Variants in HCN4 observed in about 807,000 individuals in gnomAD.
HCN4 encodes hyperpolarization activated cyclic nucleotide gated potassium channel 4, also known as potassium/sodium hyperpolarization-activated cyclic nucleotide-gated channel 4.
HCN4 carries 29 observed loss-of-function variants against 76.9 expected under a neutral mutation model. That is an observed-to-expected ratio of 0.38 (90% CI 0.28 to 0.51). HCN4 has a LOEUF of 0.51. HCN4 is among the 20% of genes least tolerant of loss of function. The pLI is 0.90. For missense variants in HCN4, 1,416 were observed against 1,715.2 expected, an observed-to-expected ratio of 0.83 and a Z score of 3.08; for synonymous variants, 772 against 762.5, an observed-to-expected ratio of 1.01 and a Z score of -0.21.
chr15:73,360,575 A>AACTAGAACT (rs2043100743), intron 1 of HCN4, among the ~76,000 whole-genome samples: 2 of 152,216 alleles, frequency 1.3e-5, no homozygotes, highest in Non-Finnish European at 2.9e-5. Context: ...TAAAAGAAGG[A>AACTAGAACT]GGAATGTCAA....
chr15:73,342,586 G>A (rs1388886437), intron 2 of HCN4, among the ~76,000 whole-genome samples: 1 of 152,220 alleles, frequency 6.6e-6, no homozygotes, highest in Non-Finnish European at 1.5e-5. Context: ...ATAGGGCTGA[G>A]GCAAACAGCC....
intron 3 of HCN4, among the ~76,000 whole-genome samples, chr15:73,330,411 CAGG>C (rs965367459): frequency 6.6e-6 from 1 of 152,232 alleles, no homozygotes; most frequent in Admixed American, 6.5e-5. Flanking sequence ...GGCGTGGGGA[CAGG>C]AGGAGGGAAG....
Position 73,355,692 on chromosome 15 carries a change from G to A in HCN4, c.785+11794C>T, listed in dbSNP as rs542028362. On this transcript the variant is annotated intron_variant, in intron 1 of 7. Coordinates refer to ENST00000261917, the MANE Select transcript of HCN4 (RefSeq NM_005477.3). ...GATGAAAACCCATTGTTTATCTGATGGGCTAATTCCTCCTCTGCAGACCCT... is the reference window on the plus strand; with the variant it reads ...GATGAAAACCCATTGTTTATCTGATAGGCTAATTCCTCCTCTGCAGACCCT... Among the ~76,000 whole-genome samples, 3 of 152,274 alleles carry A rather than the reference G, an allele frequency of 2.0e-5. No homozygotes were observed. The East Asian group carries it at 5.8e-4, about 29-fold the overall frequency.
Position 73,322,266 on chromosome 15 carries a change from T to C in HCN4, c.*215A>G. 2 of 360,160 alleles carry C rather than the reference T, an allele frequency of 5.6e-6. No individual in the cohort carries two copies. The highest frequency in any genetic ancestry group is 1.1e-5 in the Non-Finnish European group (2 of 185,260). The allele number at this position is 360,160 out of a possible 1,614,324, so 22.3% of individuals were successfully genotyped here. ...CCTCCTCCCTCCCCCTCCCTCCCTC[T>C]AGTGCTGAGTATTAAAATAGTCTAT... On this transcript the variant is annotated 3_prime_UTR_variant, in exon 8 of 8. Transcript: ENST00000261917.
At chr15:73,351,328 CCTTGTAAA>C (rs2043054290) in intron 1 of HCN4, among the ~76,000 whole-genome samples, 1 of 152,106 alleles carries the variant, frequency 6.6e-6, no homozygotes, top group Admixed American at 6.5e-5. Flanking sequence ...TATTCTGCTG[CCTTGTAAA>C]CCATACCCCT....
intron 7 of HCN4, 42 bp from the exon 8 acceptor site, chr15:73,323,991 G>A (rs1317756970): frequency 3.7e-6 from 6 of 1,610,638 alleles, no homozygotes; most frequent in Non-Finnish European, 5.1e-6. Flanking sequence ...GCAGAGCGGG[G>A]AAGGAGATCA....
At chr15:73,362,825 T>C (rs1052283565) in intron 1 of HCN4, among the ~76,000 whole-genome samples, 4 of 152,200 alleles carry the variant, frequency 2.6e-5, no homozygotes, top group African/African-American at 9.6e-5. Flanking sequence ...ATCCTTACCA[T>C]GTAGCCACCA....
At chr15:73,324,066 C>T (rs767100510) in intron 7 of HCN4, 23 bp downstream of exon 7, 16 of 1,611,578 alleles carry the variant, frequency 9.9e-6, no homozygotes, top group East Asian at 6.7e-5. Flanking sequence ...CCACCTGCCC[C>T]GCCTGTGGCC....
intron 3 of HCN4, among the ~76,000 whole-genome samples, chr15:73,330,152 CA>C (rs976992733): frequency 1.5e-3 from 221 of 152,364 alleles, no homozygotes; most frequent in African/African-American, 5.1e-3. Context: ...CTCCACCCCC[CA>C]ACCCCCTAAA....
At chr15:73,330,266 T>A (rs563065471) in intron 3 of HCN4, among the ~76,000 whole-genome samples, 1 of 152,350 alleles carries the variant, frequency 6.6e-6, no homozygotes, top group East Asian at 1.9e-4. Context: ...AAAAACACTG[T>A]CCTCATTTTG....
Position 73,368,277 on chromosome 15 carries a change from A to C in HCN4, c.-7T>G. ...ACGGCGGCAGCTTGTCCATGGCGCC[A>C]GGGGCCGGGGTCGGACCGGGCCGGG... is the stretch of plus-strand genomic sequence containing the variant. On this transcript the variant is annotated 5_prime_UTR_variant, in exon 1 of 8. Coordinates refer to ENST00000261917, the MANE Select transcript of HCN4 (RefSeq NM_005477.3). This position sits in a 1 kb window ranked among gnomAD's most constrained non-coding sequence, Gnocchi z 6.9. The C allele has an allele frequency of 6.7e-7, 1 of 1,483,890 alleles. No individual in the cohort carries two copies. The highest frequency in any genetic ancestry group is 8.9e-7 in the Non-Finnish European group (1 of 1,121,676). 91.9% of individuals were successfully genotyped at this position (1,483,890 alleles called of 1,614,324 possible).
At chr15:73,358,863 G>C (rs2043092739) in intron 1 of HCN4, among the ~76,000 whole-genome samples, 1 of 152,014 alleles carries the variant, frequency 6.6e-6, no homozygotes. Flanking sequence ...TTGATCTATT[G>C]CTCATCTGCC....
chr15:73,324,075 C>A lies in HCN4; in HGVS notation c.2143+14G>T. ...CACCCCCCACCTGCCCCGCCTGTGG[C>A]CCCTCCCCCTCACCAATGCGGTCCA... On this transcript the variant is annotated intron_variant, in intron 7 of 7. Transcript: ENST00000261917. The A allele has an allele frequency of 6.2e-7, 1 of 1,611,170 alleles. No individual in the cohort carries two copies. Among genetic ancestry groups the A allele is most frequent in the Non-Finnish European group, 8.5e-7 (1 of 1,179,152 alleles).
intron 2 of HCN4, chr15:73,335,798 C>T (rs1358347029): frequency 6.6e-6 from 1 of 152,254 alleles, no homozygotes; most frequent in African/African-American, 2.4e-5. Context: ...CAAAGAGCCC[C>T]CAGACTCCTC....
rs1167076656 is a variant in HCN4 at position 73,321,115 on chromosome 15, G to A, written c.*1366C>T. ...ATCTGGTCCTCATAGGTCCTTGTGA[G>A]GCAGTACCATAATTATTCCCATTTT... is the stretch of plus-strand genomic sequence containing the variant. On this transcript the variant is annotated 3_prime_UTR_variant, in exon 8 of 8. Transcript: ENST00000261917. 1 of 152,216 alleles carries A rather than the reference G, an allele frequency of 6.6e-6. No individual in the cohort carries two copies. Among genetic ancestry groups the A allele is most frequent in the Non-Finnish European group, 1.5e-5 (1 of 68,042 alleles). The allele number at this position is 152,216 out of a possible 1,614,324, so 9.4% of individuals were successfully genotyped here.
intron 1 of HCN4, among the ~76,000 whole-genome samples, chr15:73,354,461 G>A (rs2043068911): frequency 1.3e-5 from 2 of 152,228 alleles, no homozygotes; most frequent in African/African-American, 2.4e-5. Context: ...CTGCAGACCT[G>A]GTGGACTTCA....
intron 2 of HCN4, among the ~76,000 whole-genome samples, chr15:73,340,789 C>A (rs895480532): frequency 1.3e-5 from 2 of 152,232 alleles, no homozygotes; most frequent in African/African-American, 4.8e-5. Context: ...ACTTGCTGGA[C>A]TGAATGAAGT....
Position 73,323,646 on chromosome 15 carries a change from T to C in HCN4, c.2447A>G (p.Asn816Ser), listed in dbSNP as rs772764779. 6.3e-7 allele frequency: 1 copy of C among 1,596,860 alleles called. No homozygotes were observed. Among genetic ancestry groups the C allele is most frequent in the South Asian group, 1.1e-5 (1 of 89,446 alleles). The change falls in exon 8 of 8, where the codon AAC (asparagine) becomes AGC (serine). Residue 816 changes from asparagine (N) to serine (S), a missense_variant. This residue lies in a region of HCN4 where 633 missense variants were observed against 579.8 expected (regional missense o/e 1.09). Coordinates refer to ENST00000261917, the MANE Select transcript of HCN4 (RefSeq NM_005477.3). ...FRPPPGSGLG[N>S]LGAGQTPRHL... is the part of the protein sequence containing the mutation. ...CCTTGGCGTCTGCCCGGCACCGAGG[T>C]TGCCCAGCCCAGATCCTGGGGGAGG...
At position 73,368,004 on chromosome 15, in the gene HCN4, C is replaced by G; in HGVS notation, c.267G>C (p.Thr89=). 7.3e-7 allele frequency: 1 copy of G among 1,376,030 alleles called. No homozygotes were observed. The highest frequency in any genetic ancestry group is 9.3e-7 in the Non-Finnish European group (1 of 1,070,916). 85.2% of individuals were successfully genotyped at this position (1,376,030 alleles called of 1,614,324 possible). ...CGCGGAAGCGCCTGCAGTCGCCGTTCGTGCTGGACTTGCCCGCGCCGCGGG... is the reference window on the plus strand; with the variant it reads ...CGCGGAAGCGCCTGCAGTCGCCGTTGGTGCTGGACTTGCCCGCGCCGCGGG... The part of the protein sequence containing the change: ...GPARGAGKSS[T]NGDCRRFRGS... The change falls in exon 1 of 8, where the codon ACG becomes ACC. Residue 89 remains threonine (T), a synonymous_variant. Coordinates refer to ENST00000261917, the MANE Select transcript of HCN4 (RefSeq NM_005477.3). The surrounding 1 kb of genome is among the most constrained non-coding windows in gnomAD (Gnocchi z 6.9).
Sources: allele counts gnomAD v4.1 joint callset (sites outside exome capture counted in the v4.1 genomes callset), GRCh38; gene constraint gnomAD v4.1.1; regional missense constraint gnomAD v4.1.1; non-coding constraint Gnocchi (gnomAD v3.1); transcripts MANE v1.5; gene names NCBI Gene and HGNC (gene_info 2026-07-23, HGNC 2026-07-21).